ROBO1: variants seen among roughly 807,000 people sequenced by gnomAD.
The protein encoded by ROBO1 is roundabout homolog 1.
A neutral mutation model predicts 195.9 loss-of-function variants in ROBO1; 149 were observed. That is an observed-to-expected ratio of 0.76 (90% CI 0.67 to 0.87). The LOEUF (loss-of-function observed/expected upper bound fraction) is 0.87. Ranked by LOEUF, ROBO1 falls within the 40% of genes least tolerant of loss-of-function variation. The pLI, the probability that ROBO1 is intolerant of heterozygous loss-of-function variation, is 0.00. For synonymous variants in ROBO1, 816 were observed against 733.2 expected, an observed-to-expected ratio of 1.11 and a Z score of -1.82; for missense variants, 1,933 against 2,068.3, an observed-to-expected ratio of 0.93 and a Z score of 1.27.
intron 21 of ROBO1, among the ~76,000 whole-genome samples, chr3:78,640,142 G>GT: frequency 6.6e-6 from 1 of 152,012 alleles, no homozygotes; most frequent in East Asian, 1.9e-4. Context: ...CTAAAATCTC[G>GT]TATCATTTGC....
At chr3:79,667,775 T>G (rs1041548897) in intron 1 of ROBO1, among the ~76,000 whole-genome samples, 1 of 151,752 alleles carries the variant, frequency 6.6e-6, no homozygotes, top group Non-Finnish European at 1.5e-5. Context: ...CTACCTTCAT[T>G]TGTATTTTTG....
At chr3:79,501,355 A>T (rs1940060515) in intron 2 of ROBO1, among the ~76,000 whole-genome samples, 1 of 152,120 alleles carries the variant, frequency 6.6e-6, no homozygotes, top group South Asian at 2.1e-4. Context: ...CGTTCTAGTG[A>T]CCCTGCTTTT....
Position 78,756,931 on chromosome 3 carries a change from C to A in ROBO1, c.500-10031G>T, listed in dbSNP as rs138511085. On this transcript the variant is annotated intron_variant, in intron 4 of 30. Transcript: ENST00000464233. ...GATAGTTTCACTCTTGTCACCCAGG[C>A]TGAAATGCAGCAGCACAATCCACAA... Among the ~76,000 whole-genome samples, 59 of 152,142 alleles carry A rather than the reference C, an allele frequency of 3.9e-4. 1 individual carries two copies. The South Asian group carries it at 9.6e-3, about 25-fold the overall frequency.
chr3:79,365,484 G>C (rs2035935603), intron 2 of ROBO1, among the ~76,000 whole-genome samples: 1 of 152,112 alleles, frequency 6.6e-6, no homozygotes, highest in Non-Finnish European at 1.5e-5. Flanking sequence ...TATCATCAGA[G>C]GATCCCCTAA....
chr3:78,830,715 T>G (rs1345712712), intron 4 of ROBO1, among the ~76,000 whole-genome samples: 2 of 152,138 alleles, frequency 1.3e-5, no homozygotes, highest in Non-Finnish European at 2.9e-5. Flanking sequence ...TATGACTCAT[T>G]ATGTTAATCT....
Position 78,830,947 on chromosome 3 carries a change from C to G in ROBO1, c.500-84047G>C, listed in dbSNP as rs567152410. Among the ~76,000 whole-genome samples, 107 of 152,120 alleles carry G rather than the reference C, an allele frequency of 7.0e-4. 1 individual carries two copies. The highest frequency in any genetic ancestry group is 1.0e-3 in the Non-Finnish European group (68 of 67,968). ...TTTGTTTTTGAGATGGAGTCTCGCT[C>G]TGTCACCCAGGCTGGAGTGCAATGG... On this transcript the variant is annotated intron_variant, in intron 4 of 30. Transcript: ENST00000464233.
chr3:79,004,200 A>AT lies in ROBO1; in HGVS notation c.173-65274dup, dbSNP rs553410796. Among the ~76,000 whole-genome samples, 455 of 151,630 alleles carry AT rather than the reference A, an allele frequency of 3.0e-3. 1 individual carries two copies. Among genetic ancestry groups the AT allele is most frequent in the Non-Finnish European group, 4.7e-3 (316 of 67,836 alleles). ...ACCACAAGTTGTTCCAAGACTTTTG[A>AT]TTTTTTTTTAAACATGGGGATGTAA... On this transcript the variant is annotated intron_variant, in intron 3 of 30. Transcript: ENST00000464233.
At chr3:79,126,445 T>C (rs900608175) in intron 2 of ROBO1, among the ~76,000 whole-genome samples, 2 of 152,166 alleles carry the variant, frequency 1.3e-5, no homozygotes, top group Non-Finnish European at 2.9e-5. Flanking sequence ...TGTGTGTATA[T>C]AGAAGCTCAA....
At chr3:78,629,667 A>G (rs915811027) in intron 25 of ROBO1, among the ~76,000 whole-genome samples, 3 of 151,686 alleles carry the variant, frequency 2.0e-5, no homozygotes, top group Non-Finnish European at 4.4e-5. Context: ...CAACCAAACC[A>G]AACCAAACCA....
At chr3:79,042,094 A>G (rs1559614831) in intron 3 of ROBO1, among the ~76,000 whole-genome samples, 1 of 152,190 alleles carries the variant, frequency 6.6e-6, no homozygotes, top group Non-Finnish European at 1.5e-5. Flanking sequence ...AAAAAGGATG[A>G]AGGCTACTAT....
intron 8 of ROBO1, among the ~76,000 whole-genome samples, chr3:78,703,208 C>G (rs556081102): frequency 6.6e-6 from 1 of 151,874 alleles, no homozygotes; most frequent in Non-Finnish European, 1.5e-5. Context: ...CAAAACAAAA[C>G]AAAACAAAAC....
chr3:79,532,107 GT>G (rs1049060502), intron 2 of ROBO1, among the ~76,000 whole-genome samples: 1 of 152,156 alleles, frequency 6.6e-6, no homozygotes, highest in Admixed American at 6.5e-5. Flanking sequence ...GGCGATGATG[GT>G]TAACTCTGAA....
intron 3 of ROBO1, among the ~76,000 whole-genome samples, chr3:79,074,983 T>A (rs1222533345): frequency 6.6e-6 from 1 of 151,938 alleles, no homozygotes; most frequent in Non-Finnish European, 1.5e-5. Context: ...ATTGTGAATT[T>A]TCTCCTTCAA....
chr3:79,434,521 C>T (rs1575821005), intron 2 of ROBO1, among the ~76,000 whole-genome samples: 1 of 152,012 alleles, frequency 6.6e-6, no homozygotes, highest in African/African-American at 2.4e-5. Context: ...AATGAGATAC[C>T]ATCTCACACC....
intron 3 of ROBO1, among the ~76,000 whole-genome samples, chr3:78,967,796 T>A (rs964352739): frequency 6.6e-6 from 1 of 152,154 alleles, no homozygotes; most frequent in African/African-American, 2.4e-5. Flanking sequence ...ATTTAACTTA[T>A]AAGAAAAGAT....
intron 3 of ROBO1, among the ~76,000 whole-genome samples, chr3:78,969,043 T>A (rs909497252): frequency 1.3e-5 from 2 of 152,202 alleles, no homozygotes; most frequent in African/African-American, 4.8e-5. Context: ...TAAGCTGAAA[T>A]CATCTGATTT....
rs571687189 is a variant in ROBO1 at position 79,438,015 on chromosome 3, T to C, written c.88+151809A>G. Among the ~76,000 whole-genome samples the C allele has an allele frequency of 9.8e-4, 149 of 152,086 alleles. No individual in the cohort carries two copies. The Middle Eastern group carries it at 0.014, about 14-fold the overall frequency. Reference sequence around the variant, plus strand: ...TTAATATTAATCTTCTTGGTTTTTTTCTTTCCAACCTTTAAAATGAAATCA... The same window carrying C: ...TTAATATTAATCTTCTTGGTTTTTTCCTTTCCAACCTTTAAAATGAAATCA... On this transcript the variant is annotated intron_variant, in intron 2 of 30. Coordinates refer to ENST00000464233, the MANE Select transcript of ROBO1 (RefSeq NM_002941.4).
intron 2 of ROBO1, among the ~76,000 whole-genome samples, chr3:79,570,989 A>C (rs979614165): frequency 6.6e-6 from 1 of 152,158 alleles, no homozygotes; most frequent in African/African-American, 2.4e-5. Flanking sequence ...AAATAAAATC[A>C]TTCAAGCAGA....
At chr3:79,234,962 C>G (rs1319844753) in intron 2 of ROBO1, among the ~76,000 whole-genome samples, 1 of 152,026 alleles carries the variant, frequency 6.6e-6, no homozygotes, top group Admixed American at 6.6e-5. Flanking sequence ...CACGTACCAC[C>G]TGAATCTAAA....
Sources: gnomAD v4.1 joint callset for allele counts (sites outside exome capture counted in the v4.1 genomes callset) on GRCh38, gnomAD v4.1.1 for gene constraint, MANE v1.5 for transcripts, NCBI Gene and HGNC (gene_info 2026-07-23, HGNC 2026-07-21) for gene names.